ZFYVE28: variants seen among roughly 807,000 people sequenced by gnomAD.
The protein encoded by ZFYVE28 is lateral signaling target protein 2 homolog.
In ZFYVE28, 40 loss-of-function variants were observed where a neutral mutation model predicts 82.1. The observed-to-expected ratio is 0.49, with a 90% CI of 0.38 to 0.63. ZFYVE28 has a LOEUF of 0.63. ZFYVE28 is among the 30% of genes least tolerant of loss of function. ZFYVE28 has a pLI of 0.00. For synonymous variants in ZFYVE28, 612 were observed against 546.1 expected (o/e 1.12, Z -1.68); for missense variants, 1,321 against 1,242.1 (o/e 1.06, Z -0.96).
At chr4:2,391,699 T>C (rs1321135230) in intron 1 of ZFYVE28, among the ~76,000 whole-genome samples, 1 of 151,360 alleles carries the variant, frequency 6.6e-6, no homozygotes, top group Non-Finnish European at 1.5e-5. Flanking sequence ...TATCTATAAA[T>C]TTGACAGTTC....
Position 2,351,196 on chromosome 4 carries a change from T to C in ZFYVE28, c.180+2737A>G, listed in dbSNP as rs369586942. On this transcript the variant is annotated intron_variant, in intron 2 of 12. Transcript: ENST00000290974. ...TGGACAGTGTCAAGATGAGGTTGAA[T>C]AGAGGACCCCCACTGCTGTCCCCTG... Among the ~76,000 whole-genome samples the C allele has an allele frequency of 1.6e-4, 25 of 152,074 alleles. 1 individual carries two copies. In the South Asian group the frequency reaches 5.2e-3, roughly 32 times the overall value.
chr4:2,277,835 A>G (rs377151683), intron 8 of ZFYVE28, among the ~76,000 whole-genome samples: 24 of 152,190 alleles, frequency 1.6e-4, no homozygotes, highest in African/African-American at 5.8e-4. Flanking sequence ...AATGGACAAT[A>G]TGATCCTAAA....
intron 7 of ZFYVE28, among the ~76,000 whole-genome samples, chr4:2,309,146 C>T (rs1276382407): frequency 6.6e-6 from 1 of 152,154 alleles, no homozygotes; most frequent in African/African-American, 2.4e-5. Context: ...ATGCATTTCT[C>T]ATGAGACCAA....
chr4:2,298,112 GAC>G (rs1232309474), intron 8 of ZFYVE28, among the ~76,000 whole-genome samples: 1 of 148,502 alleles, frequency 6.7e-6, no homozygotes, highest in Non-Finnish European at 1.5e-5. Flanking sequence ...GTGACACGGT[GAC>G]ACAGTGACAC....
intron 1 of ZFYVE28, among the ~76,000 whole-genome samples, chr4:2,365,273 C>G (rs1726741144): frequency 6.6e-6 from 1 of 152,152 alleles, no homozygotes; most frequent in Admixed American, 6.5e-5. Context: ...ACCGGGACAG[C>G]AGGGGACAAG....
intron 1 of ZFYVE28, among the ~76,000 whole-genome samples, chr4:2,381,796 G>A (rs558615483): frequency 5.9e-5 from 9 of 152,336 alleles, no homozygotes; most frequent in Non-Finnish European, 1.2e-4. Context: ...GGAGCTGAAC[G>A]TTAATCCCCA....
chr4:2,307,769 C>T (rs112401897), intron 7 of ZFYVE28, among the ~76,000 whole-genome samples: 21 of 152,148 alleles, frequency 1.4e-4, no homozygotes, highest in South Asian at 4.2e-4. Context: ...GCTGGGATTA[C>T]GGCATGAGCC....
intron 1 of ZFYVE28, among the ~76,000 whole-genome samples, chr4:2,402,324 A>G (rs1198233449): frequency 1.3e-5 from 2 of 152,114 alleles, no homozygotes; most frequent in East Asian, 3.9e-4. Context: ...CGGCCAGGCA[A>G]GCCGGCACCG....
intron 6 of ZFYVE28, among the ~76,000 whole-genome samples, chr4:2,325,592 C>CTT (rs58460729): frequency 0.034 from 4,146 of 122,120 alleles, 140 homozygotes; most frequent in South Asian, 0.1. Flanking sequence ...TTAAATCTTA[C>CTT]TTTTTTTTTT....
chr4:2,328,954 T>C (rs530648561), intron 6 of ZFYVE28: 6 of 507,240 alleles, frequency 1.2e-5, no homozygotes, highest in Middle Eastern at 3.8e-4. Context: ...GGTTTATTTA[T>C]GGCTTCTCAA....
At chr4:2,382,010 C>T (rs1400803369) in intron 1 of ZFYVE28, among the ~76,000 whole-genome samples, 2 of 152,238 alleles carry the variant, frequency 1.3e-5, no homozygotes, top group Non-Finnish European at 2.9e-5. Flanking sequence ...CAGGCCATGG[C>T]TTCAGAGGGT....
intron 8 of ZFYVE28, among the ~76,000 whole-genome samples, chr4:2,276,213 AT>A (rs112861864): frequency 0.1 from 15,799 of 152,242 alleles, 1,667 homozygotes; most frequent in African/African-American, 0.25. Context: ...ATGTGCTAAC[AT>A]AGCTGAATAT....
At chr4:2,271,942 G>A (rs1407225930) in intron 10 of ZFYVE28, among the ~76,000 whole-genome samples, 163 bp from the exon 11 acceptor site, 5 of 152,208 alleles carry the variant, frequency 3.3e-5, no homozygotes, top group Admixed American at 1.3e-4. Flanking sequence ...GTTGGGCGCC[G>A]ATCCTGGCTG....
chr4:2,364,643 T>C (rs1160901238), intron 1 of ZFYVE28: 2 of 985,354 alleles, frequency 2.0e-6, no homozygotes, highest in South Asian at 9.4e-5. Flanking sequence ...ATCTGCAAAG[T>C]GGGCTTAAGG....
chr4:2,272,295 C>T (rs900022377), intron 10 of ZFYVE28, among the ~76,000 whole-genome samples: 2 of 152,168 alleles, frequency 1.3e-5, no homozygotes, highest in East Asian at 1.9e-4. Flanking sequence ...CCCATGTGCC[C>T]GGACGCCCCA....
At chr4:2,348,688 T>C (rs541464917) in intron 2 of ZFYVE28, among the ~76,000 whole-genome samples, 39 of 152,348 alleles carry the variant, frequency 2.6e-4, no homozygotes, top group African/African-American at 9.4e-4. Context: ...ATCTCTGGGA[T>C]TGGGTCCTGG....
chr4:2,392,302 C>G (rs1432600803), intron 1 of ZFYVE28, among the ~76,000 whole-genome samples: 2 of 152,188 alleles, frequency 1.3e-5, no homozygotes, highest in Admixed American at 6.5e-5. Flanking sequence ...TCTCCTCTCC[C>G]GCAGACTCTG....
At chr4:2,369,816 G>T (rs1727301700) in intron 1 of ZFYVE28, among the ~76,000 whole-genome samples, 1 of 115,468 alleles carries the variant, frequency 8.7e-6, no homozygotes. Flanking sequence ...CTGGTCTCCA[G>T]AACTTTGAAA....
intron 1 of ZFYVE28, among the ~76,000 whole-genome samples, chr4:2,405,417 G>A (rs550014131): frequency 5.3e-5 from 8 of 152,362 alleles, no homozygotes; most frequent in South Asian, 4.1e-4. Context: ...GATTTCAGAC[G>A]CTGTGGGAGG....
Sources: allele counts gnomAD v4.1 joint callset (sites outside exome capture counted in the v4.1 genomes callset), GRCh38; gene constraint gnomAD v4.1.1; transcripts MANE v1.5; gene names NCBI Gene and HGNC (gene_info 2026-07-23, HGNC 2026-07-21).